The following KMT2C variants were observed in gnomAD, a reference collection of about 807,000 sequenced individuals.
The protein encoded by KMT2C is histone-lysine N-methyltransferase 2C.
Under a neutral mutation model 507.9 loss-of-function variants are expected in KMT2C, and 88 were observed. The observed-to-expected ratio is 0.17, with a 90% CI of 0.15 to 0.21. The LOEUF is 0.21. Ranked by LOEUF, KMT2C falls within the 10% of genes least tolerant of loss-of-function variation. The pLI is 1.00. For synonymous variants in KMT2C, 2,049 were observed against 2,080.8 expected (o/e 0.98, Z 0.42); for missense variants, 4,954 against 5,957.8 (o/e 0.83, Z 5.55).
rs866077512 is a variant in KMT2C, at chr7:152,163,086, G to C, written c.10491C>G (p.Ser3497=). Residue 3497 remains serine (S), a synonymous_variant, in exon 43 of 59, where the codon TCC becomes TCG. Transcript: ENST00000262189. ...CATTAGTCTGCATGAAAGTTTGGGT[G>C]GAGGGTGAATTAATTGATCCTTGTT... ...NIQQGSINSP[S]TQTFMQTNER... 6.2e-7 allele frequency: 1 copy of C among 1,614,216 alleles called. No homozygotes were observed. Among genetic ancestry groups the C allele is most frequent in the Non-Finnish European group, 8.5e-7 (1 of 1,180,032 alleles).
rs1389344153 is a variant in KMT2C at position 152,430,050 on chromosome 7, C to T, written c.161+5576G>A. 3.8e-5 allele frequency among the ~76,000 whole-genome samples: 5 copies of T among 132,984 alleles called. No homozygotes were observed. In the South Asian group the frequency reaches 6.7e-4, roughly 18 times the overall value. 87.2% of individuals were successfully genotyped at this position (132,984 alleles called of 152,430 possible). A position where few individuals can be genotyped will look rare whatever the true frequency, so the allele number is the denominator to read the frequency against. ...AAAATTAGCTGGGTGTGGTGGCATG[C>T]GCCTGTAATCCCAGCTTTTTGGGAG... On this transcript the variant is annotated intron_variant, in intron 1 of 58. Transcript: ENST00000262189.
intron 2 of KMT2C, among the ~76,000 whole-genome samples, chr7:152,340,458 T>C (rs2096980782): frequency 1.3e-5 from 2 of 152,170 alleles, no homozygotes; most frequent in African/African-American, 2.4e-5. Flanking sequence ...ACAGTTATGT[T>C]TTCTGGATAT....
chr7:152,290,346 T>C (rs1039184835), intron 6 of KMT2C, among the ~76,000 whole-genome samples: 3 of 127,262 alleles, frequency 2.4e-5, no homozygotes, highest in African/African-American at 8.8e-5. Context: ...AGTCTCACTC[T>C]GTCACCCACG....
chr7:152,197,568 T>C (rs1272879906), intron 27 of KMT2C, among the ~76,000 whole-genome samples: 1 of 152,148 alleles, frequency 6.6e-6, no homozygotes, highest in East Asian at 1.9e-4. Flanking sequence ...AACACTGTAG[T>C]TGAATGAAAA....
intron 7 of KMT2C, among the ~76,000 whole-genome samples, chr7:152,269,577 A>G (rs1368051914): frequency 6.6e-6 from 1 of 152,242 alleles, no homozygotes; most frequent in Non-Finnish European, 1.5e-5. Flanking sequence ...CAGTTGAAAA[A>G]GCAAAGACAG....
intron 9 of KMT2C, among the ~76,000 whole-genome samples, chr7:152,255,211 G>A (rs1297887150): frequency 6.8e-6 from 1 of 146,330 alleles, no homozygotes; most frequent in African/African-American, 2.5e-5. Context: ...CTGTAGCCCA[G>A]GCTGGAATAC....
rs147994702 is a variant in KMT2C at position 152,202,667 on chromosome 7, C to T, written c.4092+267G>A. On this transcript the variant is annotated intron_variant, in intron 26 of 58. Transcript: ENST00000262189. ...CTTGGAAGATTGAGTTTTTCCTATC[C>T]CAAAGTGTCCTTGTTACATCTTATA... Among the ~76,000 whole-genome samples the T allele has an allele frequency of 5.5e-4, 83 of 152,042 alleles. 1 individual carries two copies. Among genetic ancestry groups the T allele is most frequent in the Admixed American group, 1.9e-3 (29 of 15,292 alleles).
chr7:152,183,795 C>G (rs139195228), intron 34 of KMT2C, among the ~76,000 whole-genome samples: 16 of 152,218 alleles, frequency 1.1e-4, no homozygotes, highest in Admixed American at 3.3e-4. Context: ...ACTCGGGAGG[C>G]TGAGGCAGGA....
chr7:152,280,082 C>A (rs1361181139), intron 6 of KMT2C, among the ~76,000 whole-genome samples: 9 of 152,370 alleles, frequency 5.9e-5, no homozygotes, highest in Non-Finnish European at 1.2e-4. Flanking sequence ...AATCAAATAA[C>A]CTCTTTGAAA....
intron 1 of KMT2C, among the ~76,000 whole-genome samples, chr7:152,430,103 G>A (rs868644809): frequency 6.6e-6 from 1 of 151,272 alleles, no homozygotes; most frequent in Non-Finnish European, 1.5e-5. Flanking sequence ...GCTTGAATCC[G>A]GAGGGCGGCA....
chr7:152,264,931 T>A (rs556257880), intron 8 of KMT2C, 107 bp downstream of exon 8: 1 of 1,350,830 alleles, frequency 7.4e-7, no homozygotes, highest in South Asian at 1.8e-5. Flanking sequence ...TGAATGAATA[T>A]AGCTAAAATA....
At chr7:152,358,452 G>T in intron 2 of KMT2C, 135 bp downstream of exon 2, 1 of 526,608 alleles carries the variant, frequency 1.9e-6, no homozygotes. Context: ...ATCAAAACAA[G>T]GCAGATGGGA....
At chr7:152,140,003 C>A (rs2090348740) in intron 55 of KMT2C, among the ~76,000 whole-genome samples, 1 of 152,114 alleles carries the variant, frequency 6.6e-6, no homozygotes, top group African/African-American at 2.4e-5. Context: ...ATTCCTACAT[C>A]TTTTTTAGCA....
intron 15 of KMT2C, among the ~76,000 whole-genome samples, chr7:152,236,298 G>A (rs1337329544): frequency 6.6e-6 from 1 of 152,180 alleles, no homozygotes; most frequent in Admixed American, 6.5e-5. Flanking sequence ...GTATAAGGAA[G>A]AACTCTCTCA....
rs1185090960 is a variant in KMT2C at position 152,183,796 on chromosome 7, T to C, written c.5083-640A>G. On this transcript the variant is annotated intron_variant, in intron 34 of 58. Coordinates refer to ENST00000262189, the MANE Select transcript of KMT2C (RefSeq NM_170606.3). ...CTGTAATCCCAGCTACTCGGGAGGC[T>C]GAGGCAGGAGAATCACTTGAACTCA... 2.0e-5 allele frequency among the ~76,000 whole-genome samples: 3 copies of C among 152,112 alleles called. No individual in the cohort carries two copies. In the East Asian group the frequency reaches 5.8e-4, roughly 29 times the overall value.
At position 152,373,163 on chromosome 7, in the gene KMT2C, C is replaced by T. The variant is rs115520590; in HGVS notation, c.162-14488G>A. Among the ~76,000 whole-genome samples, 411 of 151,516 alleles carry T rather than the reference C, an allele frequency of 2.7e-3. 3 individuals carry two copies. The highest frequency in any genetic ancestry group is 9.6e-3 in the African/African-American group (396 of 41,456). ...CATCTCAACAAATGCAGAAAAAAAACAGATATAAATGCAGTAAGACTTCTA... is the reference window on the plus strand; with the variant it reads ...CATCTCAACAAATGCAGAAAAAAAATAGATATAAATGCAGTAAGACTTCTA... On this transcript the variant is annotated intron_variant, in intron 1 of 58. Transcript: ENST00000262189.
intron 34 of KMT2C, 48 bp from the exon 35 acceptor site, chr7:152,183,204 T>C (rs2093490906): frequency 7.2e-6 from 10 of 1,392,392 alleles, no homozygotes; most frequent in Non-Finnish European, 9.7e-6. Flanking sequence ...GTTAAATGTT[T>C]TAAGGAATAA....
At chr7:152,237,243 T>C (rs533503147) in intron 15 of KMT2C, among the ~76,000 whole-genome samples, 3 of 152,404 alleles carry the variant, frequency 2.0e-5, no homozygotes, top group South Asian at 4.1e-4. Flanking sequence ...AATGAACTTA[T>C]TCCCTATTTA....
At chr7:152,212,496 T>C (rs946019302) in intron 23 of KMT2C, among the ~76,000 whole-genome samples, 1 of 152,200 alleles carries the variant, frequency 6.6e-6, no homozygotes. Context: ...GCAGATGACA[T>C]GATCCTGTAT....
Sources: allele counts gnomAD v4.1 joint callset (sites outside exome capture counted in the v4.1 genomes callset), GRCh38; gene constraint gnomAD v4.1.1; transcripts MANE v1.5; gene names NCBI Gene and HGNC (gene_info 2026-07-23, HGNC 2026-07-21).